Variants in ITGB6 observed in about 807,000 individuals in gnomAD.
ITGB6 encodes integrin beta-6.
Under a neutral mutation model 84.5 loss-of-function variants are expected in ITGB6, and 80 were observed. The ratio of observed to expected loss-of-function variants is 0.95; its 90% confidence interval spans 0.79 to 1.14. ITGB6 has a LOEUF of 1.14. Ranked by LOEUF, ITGB6 falls within the 50% of genes most tolerant of loss-of-function variation. The probability of loss-of-function intolerance (pLI) is 0.00; values close to 1 mark genes in which losing one functional copy is unlikely to be tolerated. For missense variants in ITGB6, 1,006 were observed against 968.0 expected (o/e 1.04, Z -0.52); for synonymous variants, 383 against 354.9 (o/e 1.08, Z -0.89).
chr2:160,132,088 T>C (rs1202377390), intron 10 of ITGB6, among the ~76,000 whole-genome samples: 2 of 152,186 alleles, frequency 1.3e-5, no homozygotes, highest in Non-Finnish European at 2.9e-5. Flanking sequence ...ATGTATTTTA[T>C]TACAAGATTC....
rs146659668 is a variant in ITGB6 at position 160,141,290 on chromosome 2, C to T, written c.1107+692G>A. ...AAAAAGGGGGGGTGATATTTAGGAA[C>T]CAAAATTAAAAATAATTGACAATGG... On this transcript the variant is annotated intron_variant, in intron 8 of 14. Transcript: ENST00000283249. Among the ~76,000 whole-genome samples the T allele has an allele frequency of 1.6e-3, 243 of 151,648 alleles. 1 individual carries two copies. The highest frequency in any genetic ancestry group is 5.5e-3 in the African/African-American group (229 of 41,312).
intron 12 of ITGB6, among the ~76,000 whole-genome samples, chr2:160,113,228 T>A (rs1286645630): frequency 1.3e-5 from 2 of 152,244 alleles, no homozygotes; most frequent in African/African-American, 2.4e-5. Flanking sequence ...ACTAGACTTA[T>A]AACCTCTCCC....
At chr2:160,167,637 C>T (rs554995571) in intron 7 of ITGB6, among the ~76,000 whole-genome samples, 14 of 152,302 alleles carry the variant, frequency 9.2e-5, no homozygotes, top group African/African-American at 3.4e-4. Flanking sequence ...GATCATTTCC[C>T]TTGCAACGGG....
chr2:160,171,679 G>A (rs1318597480), intron 6 of ITGB6, among the ~76,000 whole-genome samples: 1 of 152,182 alleles, frequency 6.6e-6, no homozygotes, highest in Non-Finnish European at 1.5e-5. Context: ...TAGGCACTGT[G>A]CTATCAGGAA....
intron 7 of ITGB6, among the ~76,000 whole-genome samples, chr2:160,160,473 A>T (rs1684775271): frequency 6.6e-6 from 1 of 152,212 alleles, no homozygotes; most frequent in Non-Finnish European, 1.5e-5. Context: ...ACAAATAATG[A>T]TTCCAAAATT....
intron 4 of ITGB6, among the ~76,000 whole-genome samples, chr2:160,187,199 AT>A (rs889840283): frequency 6.6e-5 from 10 of 152,084 alleles, no homozygotes; most frequent in Non-Finnish European, 1.0e-4. Flanking sequence ...AACAAATGTG[AT>A]TTTTTTTGAT....
chr2:160,163,568 G>T (rs372207327), intron 7 of ITGB6, among the ~76,000 whole-genome samples: 1 of 152,010 alleles, frequency 6.6e-6, no homozygotes, highest in Middle Eastern at 3.4e-3. Context: ...GGAGGCGAAG[G>T]TTGCAGTGAG....
intron 2 of ITGB6, 76 bp downstream of exon 2, chr2:160,199,103 G>T: frequency 8.1e-7 from 1 of 1,236,412 alleles, no homozygotes; most frequent in Non-Finnish European, 1.2e-6. Context: ...GTCACTATCA[G>T]AAATATCACT....
chr2:160,189,606 G>C (rs59389240), intron 4 of ITGB6, among the ~76,000 whole-genome samples: 1,698 of 147,032 alleles, frequency 0.012, 41 homozygotes, highest in African/African-American at 0.04. Context: ...TGAAAAAATG[G>C]TCATCATCAC....
intron 12 of ITGB6, among the ~76,000 whole-genome samples, chr2:160,115,037 C>T (rs906364035): frequency 3.3e-5 from 5 of 151,976 alleles, no homozygotes; most frequent in African/African-American, 1.2e-4. Context: ...CTCAAGGAGG[C>T]CTGCCTGCCT....
intron 12 of ITGB6, among the ~76,000 whole-genome samples, chr2:160,120,296 A>C (rs1297845740): frequency 2.1e-5 from 3 of 140,156 alleles, no homozygotes; most frequent in African/African-American, 5.4e-5. Context: ...GACTGGATTA[A>C]GAAAATGTGG....
intron 7 of ITGB6, 79 bp from the exon 8 acceptor site, chr2:160,142,150 A>G (rs1156849386): frequency 9.5e-6 from 8 of 840,550 alleles, no homozygotes; most frequent in African/African-American, 1.8e-5. Context: ...CCTGCTGGCT[A>G]TGATTGCCTC....
chr2:160,157,633 G>A (rs189892313), intron 7 of ITGB6, among the ~76,000 whole-genome samples: 11 of 151,436 alleles, frequency 7.3e-5, no homozygotes, highest in Admixed American at 2.6e-4. Context: ...AGATTATAGA[G>A]CACTTTTCTA....
chr2:160,102,686 G>T (rs767430290), intron 14 of ITGB6, among the ~76,000 whole-genome samples: 4 of 152,168 alleles, frequency 2.6e-5, no homozygotes, highest in Non-Finnish European at 4.4e-5. Flanking sequence ...AGGACCAGAA[G>T]GTCCAGAAGG....
At chr2:160,179,687 C>T (rs1045833881) in intron 4 of ITGB6, among the ~76,000 whole-genome samples, 7 of 151,846 alleles carry the variant, frequency 4.6e-5, no homozygotes, top group African/African-American at 9.7e-5. Context: ...CTACCATGCC[C>T]GGCCCATTCC....
intron 4 of ITGB6, among the ~76,000 whole-genome samples, chr2:160,189,343 A>C (rs1686041558): frequency 6.6e-6 from 1 of 152,240 alleles, no homozygotes; most frequent in Admixed American, 6.5e-5. Context: ...AAAAGCCAAA[A>C]TTGACAAATG....
intron 5 of ITGB6, among the ~76,000 whole-genome samples, chr2:160,173,131 G>A (rs1685281676): frequency 6.6e-6 from 1 of 152,168 alleles, no homozygotes; most frequent in African/African-American, 2.4e-5. Context: ...GGGGCTCAGA[G>A]TAAGCCTGTT....
intron 3 of ITGB6, 119 bp downstream of exon 3, chr2:160,196,096 AT>A: frequency 1.2e-6 from 1 of 856,584 alleles, no homozygotes; most frequent in Non-Finnish European, 1.8e-6. Context: ...TTCCTTAAGA[AT>A]GGGAAATTCG....
intron 14 of ITGB6, 37 bp downstream of exon 14, chr2:160,107,642 T>A: frequency 6.3e-7 from 1 of 1,598,092 alleles, no homozygotes; most frequent in Non-Finnish European, 8.6e-7. Context: ...AGCCTCTTTC[T>A]CCCCTAGACA....
Sources: allele counts gnomAD v4.1 joint callset (sites outside exome capture counted in the v4.1 genomes callset), GRCh38; gene constraint gnomAD v4.1.1; transcripts MANE v1.5; gene names NCBI Gene and HGNC (gene_info 2026-07-23, HGNC 2026-07-21).